The following SLC4A10 variants were observed in gnomAD, a reference collection of about 807,000 sequenced individuals.
SLC4A10 encodes the protein solute carrier family 4 member 10.
SLC4A10 carries 42 observed loss-of-function variants against 137.7 expected under a neutral mutation model. The observed-to-expected ratio is 0.30, with a 90% CI of 0.24 to 0.39. SLC4A10 has a LOEUF of 0.39. SLC4A10 is among the 10% of genes least tolerant of loss of function. The pLI, the probability that SLC4A10 is intolerant of heterozygous loss-of-function variation, is 1.00. For synonymous variants in SLC4A10, 474 were observed against 464.1 expected (o/e 1.02, Z -0.27); for missense variants, 925 against 1,355.0 (o/e 0.68, Z 4.98).
chr2:161,861,801 G>T (rs1197201365), intron 5 of SLC4A10, among the ~76,000 whole-genome samples: 2 of 152,160 alleles, frequency 1.3e-5, no homozygotes, highest in African/African-American at 4.8e-5. Context: ...GGACACTTAG[G>T]TTATTCAACT....
intron 1 of SLC4A10, among the ~76,000 whole-genome samples, chr2:161,666,020 G>T (rs1264788554): frequency 6.7e-6 from 1 of 150,034 alleles, no homozygotes; most frequent in African/African-American, 2.4e-5. Flanking sequence ...TTATTGTAAT[G>T]ATACTACTTG....
At chr2:161,790,595 A>T (rs2054092258) in intron 2 of SLC4A10, among the ~76,000 whole-genome samples, 1 of 152,160 alleles carries the variant, frequency 6.6e-6, no homozygotes, top group Non-Finnish European at 1.5e-5. Flanking sequence ...ATATTTCAGG[A>T]TGAGAAATGT....
chr2:161,909,423 A>G (rs191572850), intron 15 of SLC4A10, among the ~76,000 whole-genome samples: 29 of 152,192 alleles, frequency 1.9e-4, no homozygotes, highest in Non-Finnish European at 3.5e-4. Flanking sequence ...CCATTGCCCA[A>G]GTGCCCTTCT....
At chr2:161,864,072 G>A (rs2060592292) in intron 6 of SLC4A10, among the ~76,000 whole-genome samples, 1 of 151,948 alleles carries the variant, frequency 6.6e-6, no homozygotes, top group South Asian at 2.1e-4. Flanking sequence ...CGTGGTAGTG[G>A]GTGCCTGTAG....
intron 1 of SLC4A10, among the ~76,000 whole-genome samples, chr2:161,645,691 CT>C (rs2035936038): frequency 1.3e-5 from 2 of 152,058 alleles, no homozygotes; most frequent in East Asian, 1.9e-4. Context: ...TAAGCTAAGA[CT>C]TTTTAAAAAT....
intron 24 of SLC4A10, among the ~76,000 whole-genome samples, chr2:161,975,582 T>C (rs971613262): frequency 6.6e-6 from 1 of 152,202 alleles, no homozygotes; most frequent in African/African-American, 2.4e-5. Context: ...ACTATCTTTC[T>C]AGGAAGACCA....
intron 3 of SLC4A10, among the ~76,000 whole-genome samples, chr2:161,820,562 G>T (rs1270698273): frequency 6.6e-6 from 1 of 152,084 alleles, no homozygotes. Context: ...TCATATAAGA[G>T]GAATTAATTG....
chr2:161,891,261 T>C (rs764747273), intron 10 of SLC4A10, among the ~76,000 whole-genome samples: 1 of 152,048 alleles, frequency 6.6e-6, no homozygotes, highest in East Asian at 1.9e-4. Flanking sequence ...GTGAATCTGA[T>C]GATTTTGTGT....
chr2:161,669,482 T>A (rs1424882351), intron 1 of SLC4A10, among the ~76,000 whole-genome samples: 8 of 151,932 alleles, frequency 5.3e-5, no homozygotes, highest in Non-Finnish European at 1.2e-4. Context: ...GCAGAATAAT[T>A]TCATAATTAA....
chr2:161,862,906 C>A lies in SLC4A10; in HGVS notation c.610C>A (p.Gln204Lys). The change falls in exon 6 of 27, where the codon CAG becomes AAG. Residue 204 changes from glutamine to lysine, a missense_variant. Physicochemically the swap from Gln to Lys is moderately conservative, Grantham distance 53. Coordinates refer to ENST00000446997, the MANE Select transcript of SLC4A10 (RefSeq NM_001178015.2). ...TCTTGACCAACAAGTGAGCTCAGGT[C>A]AGCTGAATGAAGATGTACGCCATAG... ...MVLDQQVSSGQLNEDVRHRVH... is the reference protein window; with the variant it reads ...MVLDQQVSSGKLNEDVRHRVH... 6.2e-7 allele frequency: 1 copy of A among 1,609,952 alleles called. No individual in the cohort carries two copies. The highest frequency in any genetic ancestry group is 8.5e-7 in the Non-Finnish European group (1 of 1,177,832).
chr2:161,830,276 T>G lies in SLC4A10; in HGVS notation c.278-9513T>G, dbSNP rs1294260412. On this transcript the variant is annotated intron_variant, in intron 3 of 26. Transcript: ENST00000446997. ...TCTTATCTGATTTACTTTAAGAATC[T>G]ATTTTCCTCTTTAATGCAGTTAACT... is the stretch of plus-strand genomic sequence containing the variant. 4.6e-5 allele frequency among the ~76,000 whole-genome samples: 7 copies of G among 152,262 alleles called. No homozygotes were observed. The East Asian group carries it at 1.4e-3, about 29-fold the overall frequency.
At chr2:161,667,873 G>T (rs2039251853) in intron 1 of SLC4A10, among the ~76,000 whole-genome samples, 1 of 151,698 alleles carries the variant, frequency 6.6e-6, no homozygotes, top group Admixed American at 6.6e-5. Flanking sequence ...AAAATATGTT[G>T]TATAAGGTAG....
chr2:161,775,809 A>T (rs2052252673), intron 2 of SLC4A10, among the ~76,000 whole-genome samples: 1 of 151,818 alleles, frequency 6.6e-6, no homozygotes, highest in Non-Finnish European at 1.5e-5. Flanking sequence ...TCACGTATGA[A>T]CATTGTTGTA....
intron 11 of SLC4A10, among the ~76,000 whole-genome samples, chr2:161,898,614 G>T (rs2063760498): frequency 6.6e-6 from 1 of 152,008 alleles, no homozygotes; most frequent in African/African-American, 2.4e-5. Context: ...GTTAAGAGAA[G>T]AATAACCTGT....
chr2:161,925,264 G>A (rs958512513), intron 15 of SLC4A10, among the ~76,000 whole-genome samples: 37 of 152,190 alleles, frequency 2.4e-4, no homozygotes, highest in African/African-American at 8.4e-4. Flanking sequence ...CTTCTTCCTG[G>A]TTTAGTCTTG....
chr2:161,927,142 C>T (rs1689305134), intron 15 of SLC4A10, among the ~76,000 whole-genome samples: 1 of 152,164 alleles, frequency 6.6e-6, no homozygotes, highest in African/African-American at 2.4e-5. Context: ...TGGATAATAT[C>T]CTGCGGAGTG....
At chr2:161,705,368 A>G (rs1482775953) in intron 1 of SLC4A10, among the ~76,000 whole-genome samples, 1 of 151,554 alleles carries the variant, frequency 6.6e-6, no homozygotes, top group Non-Finnish European at 1.5e-5. Context: ...ATTGGATCAC[A>G]TGATCCCTTA....
intron 23 of SLC4A10, among the ~76,000 whole-genome samples, chr2:161,968,086 A>C (rs1697919037): frequency 6.6e-6 from 1 of 152,166 alleles, no homozygotes. Context: ...TCACAAAATG[A>C]AAAATGATAT....
chr2:161,671,698 C>CA lies in SLC4A10; in HGVS notation c.48+47133dup, dbSNP rs112313260. ...CCTAAATCTAAAATAAAAAAGAAAA[C>CA]AGACAAAACATCGTCTGAAAATAAT... is the stretch of plus-strand genomic sequence containing the variant. On this transcript the variant is annotated intron_variant, in intron 1 of 26. Transcript: ENST00000446997. Among the ~76,000 whole-genome samples, 91 of 152,188 alleles carry CA rather than the reference C, an allele frequency of 6.0e-4. 1 individual carries two copies. The highest frequency in any genetic ancestry group is 2.0e-3 in the African/African-American group (84 of 41,544).
Sources: allele counts gnomAD v4.1 joint callset (sites outside exome capture counted in the v4.1 genomes callset), GRCh38; gene constraint gnomAD v4.1.1; transcripts MANE v1.5; gene names NCBI Gene and HGNC (gene_info 2026-07-23, HGNC 2026-07-21).